The following SLC4A4 variants were observed in gnomAD, a reference collection of about 807,000 sequenced individuals.
SLC4A4 encodes the protein solute carrier family 4 member 4.
Under a neutral mutation model 111.5 loss-of-function variants are expected in SLC4A4, and 27 were observed. That is an observed-to-expected ratio of 0.24 (90% CI 0.18 to 0.33). The LOEUF (loss-of-function observed/expected upper bound fraction) is 0.33. Among genes scored for constraint, SLC4A4 ranks in the 10% least tolerant of loss-of-function variants. The probability of loss-of-function intolerance (pLI) is 1.00; values close to 1 mark genes in which losing one functional copy is unlikely to be tolerated. For missense variants in SLC4A4, 909 were observed against 1,315.5 expected, an observed-to-expected ratio of 0.69 and a Z score of 4.78; for synonymous variants, 443 against 463.4, an observed-to-expected ratio of 0.96 and a Z score of 0.57.
chr4:71,461,846 C>T (rs902805923), intron 12 of SLC4A4, among the ~76,000 whole-genome samples: 1 of 152,138 alleles, frequency 6.6e-6, no homozygotes, highest in Non-Finnish European at 1.5e-5. Flanking sequence ...TTTGACTTCA[C>T]TGCTGTAAAG....
intron 4 of SLC4A4, among the ~76,000 whole-genome samples, chr4:71,347,650 G>T (rs114036649): frequency 6.6e-6 from 1 of 152,142 alleles, no homozygotes; most frequent in African/African-American, 2.4e-5. Flanking sequence ...TCAGACCATA[G>T]AGAGGATGAT....
intron 11 of SLC4A4, among the ~76,000 whole-genome samples, chr4:71,452,949 C>T (rs1725904430): frequency 6.6e-6 from 1 of 152,060 alleles, no homozygotes. Flanking sequence ...TATTGTCTGC[C>T]TCCTTTTCAT....
At chr4:71,165,261 T>C (rs1744713864) in intron 2 of SLC4A4, among the ~76,000 whole-genome samples, 1 of 152,236 alleles carries the variant, frequency 6.6e-6, no homozygotes, top group Admixed American at 6.5e-5. Flanking sequence ...CACGTATGTT[T>C]ATTGCAGCAC....
At chr4:71,206,262 A>G (rs1717759291) in intron 1 of SLC4A4, among the ~76,000 whole-genome samples, 1 of 149,786 alleles carries the variant, frequency 6.7e-6, no homozygotes, top group Admixed American at 7.1e-5. Context: ...GGAAAACAAG[A>G]CCAAAAGACT....
At chr4:71,494,384 G>T (rs574918317) in intron 15 of SLC4A4, among the ~76,000 whole-genome samples, 1 of 151,924 alleles carries the variant, frequency 6.6e-6, no homozygotes. Context: ...CACAATCATA[G>T]CTCACTGTAA....
chr4:71,246,251 C>T (rs140207940), intron 2 of SLC4A4, among the ~76,000 whole-genome samples: 7 of 152,254 alleles, frequency 4.6e-5, no homozygotes, highest in Non-Finnish European at 8.8e-5. Flanking sequence ...GCTAGAGGAA[C>T]CATGAAGAAG....
At chr4:71,519,793 C>T (rs1260815030) in intron 16 of SLC4A4, among the ~76,000 whole-genome samples, 1 of 152,032 alleles carries the variant, frequency 6.6e-6, no homozygotes, top group Non-Finnish European at 1.5e-5. Context: ...CACCACCATG[C>T]CCAGCATATT....
chr4:71,344,587 T>G (rs1397159867), intron 4 of SLC4A4, among the ~76,000 whole-genome samples: 1 of 152,200 alleles, frequency 6.6e-6, no homozygotes, highest in Non-Finnish European at 1.5e-5. Context: ...ATTGATAGCC[T>G]ATTTTATTTC....
intron 18 of SLC4A4, among the ~76,000 whole-genome samples, chr4:71,538,517 T>G (rs562543575): frequency 6.6e-6 from 1 of 152,262 alleles, no homozygotes; most frequent in South Asian, 2.1e-4. Flanking sequence ...CTGAAAATTG[T>G]TTTGTTCATA....
At chr4:71,543,579 T>A in intron 18 of SLC4A4, among the ~76,000 whole-genome samples, 1 of 152,126 alleles carries the variant, frequency 6.6e-6, no homozygotes, top group East Asian at 1.9e-4. Flanking sequence ...CTTGGACATA[T>A]GTAACTCAAA....
chr4:71,275,293 AT>A (rs1174174593), intron 3 of SLC4A4, among the ~76,000 whole-genome samples: 14 of 151,338 alleles, frequency 9.3e-5, no homozygotes, highest in Non-Finnish European at 1.3e-4. Flanking sequence ...AGCAGAACAC[AT>A]TTTTTTTTCC....
chr4:71,398,921 A>G (rs1579010054), intron 7 of SLC4A4, among the ~76,000 whole-genome samples: 3 of 152,308 alleles, frequency 2.0e-5, no homozygotes, highest in East Asian at 1.9e-4. Context: ...TTAGTCCTCC[A>G]TATCCGTGGT....
At chr4:71,443,053 G>A (rs1724870944) in intron 8 of SLC4A4, among the ~76,000 whole-genome samples, 1 of 132,738 alleles carries the variant, frequency 7.5e-6, no homozygotes, top group Admixed American at 7.9e-5. Flanking sequence ...TTTGCTTGCT[G>A]TCATCTTATG....
At chr4:71,525,264 T>C (rs1037764955) in intron 16 of SLC4A4, among the ~76,000 whole-genome samples, 5 of 152,190 alleles carry the variant, frequency 3.3e-5, no homozygotes, top group African/African-American at 1.2e-4. Flanking sequence ...TGCTGGCTTC[T>C]TATTAGATTA....
chr4:71,267,780 TGA>T (rs1179559265), intron 3 of SLC4A4, among the ~76,000 whole-genome samples: 1 of 73,126 alleles, frequency 1.4e-5, no homozygotes, highest in Non-Finnish European at 2.3e-5. Flanking sequence ...GATGACAGAG[TGA>T]GAGTCTGCCA....
chr4:71,496,570 T>G (rs529551980), intron 15 of SLC4A4, among the ~76,000 whole-genome samples: 1 of 152,112 alleles, frequency 6.6e-6, no homozygotes, highest in East Asian at 1.9e-4. Flanking sequence ...AGGTGGCTCT[T>G]AAATGGCTAA....
chr4:71,116,907 C>T (rs1352826837), intron 2 of SLC4A4, among the ~76,000 whole-genome samples: 1 of 150,888 alleles, frequency 6.6e-6, no homozygotes, highest in Non-Finnish European at 1.5e-5. Flanking sequence ...TGAGCCATTG[C>T]ACTCCAGCCT....
intron 24 of SLC4A4, 61 bp downstream of exon 24, chr4:71,563,950 A>G (rs1224029174): frequency 1.9e-6 from 2 of 1,071,606 alleles, no homozygotes; most frequent in African/African-American, 3.1e-5. Flanking sequence ...CAGAGAAAAC[A>G]CTTTAGAATG....
At chr4:71,512,580 C>T (rs1732028439) in intron 16 of SLC4A4, among the ~76,000 whole-genome samples, 1 of 152,038 alleles carries the variant, frequency 6.6e-6, no homozygotes, top group Admixed American at 6.6e-5. Flanking sequence ...TTTTCTCATT[C>T]CATAGGTTGT....
Sources: allele counts gnomAD v4.1 joint callset (sites outside exome capture counted in the v4.1 genomes callset), GRCh38; gene constraint gnomAD v4.1.1; transcripts MANE v1.5; gene names NCBI Gene and HGNC (gene_info 2026-07-23, HGNC 2026-07-21).